The following WWOX variants were observed in gnomAD, a reference collection of about 807,000 sequenced individuals.
The protein encoded by WWOX is WW domain containing oxidoreductase.
Under a neutral mutation model 46.2 loss-of-function variants are expected in WWOX, and 69 were observed. That is an observed-to-expected ratio of 1.49 (90% CI 1.23 to 1.82). The LOEUF (loss-of-function observed/expected upper bound fraction) is 1.82, where lower values mean the gene tolerates loss of function less well. WWOX is among the 40% of genes most tolerant of loss of function. The probability of loss-of-function intolerance (pLI) is 0.00; values close to 1 mark genes in which losing one functional copy is unlikely to be tolerated. For missense variants in WWOX, 919 were observed against 542.6 expected, an observed-to-expected ratio of 1.69 and a Z score of -6.89; for synonymous variants, 359 against 202.6, an observed-to-expected ratio of 1.77 and a Z score of -6.56.
At chr16:78,207,122 C>G (rs1038422928) in intron 5 of WWOX, among the ~76,000 whole-genome samples, 2 of 152,132 alleles carry the variant, frequency 1.3e-5, no homozygotes, top group Non-Finnish European at 2.9e-5. Flanking sequence ...ACCTATTGCT[C>G]ATTTTTACCA....
chr16:78,751,717 C>T lies in WWOX; in HGVS notation c.1056+318965C>T, dbSNP rs9923523. On this transcript the variant is annotated intron_variant, in intron 8 of 8. Coordinates refer to ENST00000566780, the MANE Select transcript of WWOX (RefSeq NM_016373.4). Reference sequence around the variant, plus strand: ...ACGTAGGTTCAGTTCCTTACCAACACGTAGACATGTTGTGATGAAAGAAGG... The same window carrying T: ...ACGTAGGTTCAGTTCCTTACCAACATGTAGACATGTTGTGATGAAAGAAGG... 4.8e-3 allele frequency among the ~76,000 whole-genome samples: 692 copies of T among 145,556 alleles called. 6 individuals are homozygous for T. The highest frequency in any genetic ancestry group is 0.017 in the African/African-American group (658 of 39,178).
chr16:78,199,501 G>A (rs7192037), intron 5 of WWOX, among the ~76,000 whole-genome samples: 25,738 of 152,026 alleles, frequency 0.17, 2,237 homozygotes, highest in Non-Finnish European at 0.19. Flanking sequence ...CTGCGGATCC[G>A]GCATCATGAC....
At chr16:78,737,465 G>T (rs368003005) in intron 8 of WWOX, among the ~76,000 whole-genome samples, 2 of 151,982 alleles carry the variant, frequency 1.3e-5, no homozygotes, top group African/African-American at 4.8e-5. Context: ...AGTTTGGGGG[G>T]AACAGGTGGT....
At chr16:79,068,577 G>A (rs1010498537) in intron 8 of WWOX, among the ~76,000 whole-genome samples, 2 of 151,972 alleles carry the variant, frequency 1.3e-5, no homozygotes, top group African/African-American at 4.8e-5. Context: ...GCTGAAGCAG[G>A]AGGATCACTT....
rs1479091786 is a variant in WWOX at position 78,854,959 on chromosome 16, C to G, written c.1057-356649C>G. On this transcript the variant is annotated intron_variant, in intron 8 of 8. Transcript: ENST00000566780. ...TAAAATGGGTTATGTGTTTTATTTT[C>G]TTAGTGAAGTAATGGCTTCTCAAAT... Among the ~76,000 whole-genome samples the G allele has an allele frequency of 5.3e-5, 6 of 113,924 alleles. No homozygotes were observed. The South Asian group carries it at 1.6e-3, about 30-fold the overall frequency. 74.7% of individuals were successfully genotyped at this position (113,924 alleles called of 152,430 possible).
intron 8 of WWOX, among the ~76,000 whole-genome samples, chr16:78,784,071 C>G (rs748884801): frequency 6.6e-6 from 1 of 152,104 alleles, no homozygotes; most frequent in East Asian, 1.9e-4. Context: ...ATACCATGTA[C>G]TGAGCACTTA....
chr16:79,101,864 C>T (rs921798177), intron 8 of WWOX: 1 of 150,920 alleles, frequency 6.6e-6, no homozygotes, highest in African/African-American at 2.4e-5. Flanking sequence ...TCAAGAAGTA[C>T]AGCGTTTTGG....
At chr16:78,112,292 T>G (rs913355823) in intron 3 of WWOX, among the ~76,000 whole-genome samples, 8 of 152,234 alleles carry the variant, frequency 5.3e-5, no homozygotes, top group Admixed American at 5.2e-4. Context: ...TGCTTGTCTT[T>G]GAGGCTCTCC....
At chr16:78,375,764 C>G (rs180919657) in intron 5 of WWOX, among the ~76,000 whole-genome samples, 7 of 151,974 alleles carry the variant, frequency 4.6e-5, no homozygotes, top group African/African-American at 1.4e-4. Flanking sequence ...TGCAGCATTG[C>G]TTTCAGTGGC....
intron 8 of WWOX, among the ~76,000 whole-genome samples, chr16:78,978,051 T>TC (rs1162545829): frequency 6.6e-6 from 1 of 152,228 alleles, no homozygotes. Flanking sequence ...CCATTCCTCT[T>TC]CCCTACCATT....
chr16:78,694,750 G>A (rs2048064078), intron 8 of WWOX, among the ~76,000 whole-genome samples: 1 of 152,004 alleles, frequency 6.6e-6, no homozygotes, highest in African/African-American at 2.4e-5. Flanking sequence ...ACGCTTTATT[G>A]GAATATCAAC....
At chr16:78,902,639 C>T (rs1221690534) in intron 8 of WWOX, among the ~76,000 whole-genome samples, 5 of 152,232 alleles carry the variant, frequency 3.3e-5, no homozygotes, top group Non-Finnish European at 7.3e-5. Context: ...ACGCTTTTAC[C>T]ATGGGTAAAC....
chr16:78,184,552 A>G lies in WWOX; in HGVS notation c.516+20263A>G, dbSNP rs1418190953. On this transcript the variant is annotated intron_variant, in intron 5 of 8. Transcript: ENST00000566780. ...GCACCCACATGGATGAATCACCGAG[A>G]TCTATTTTTTCCCCGTTTATACTAT... is the stretch of plus-strand genomic sequence containing the variant. 2.7e-5 allele frequency among the ~76,000 whole-genome samples: 4 copies of G among 150,104 alleles called. No individual in the cohort carries two copies. In the Admixed American group the frequency reaches 2.7e-4, roughly 10 times the overall value.
chr16:78,816,926 C>A (rs1787001908), intron 8 of WWOX, among the ~76,000 whole-genome samples: 1 of 152,088 alleles, frequency 6.6e-6, no homozygotes, highest in Non-Finnish European at 1.5e-5. Flanking sequence ...TTGCAAGTCC[C>A]AGAGTAAGTT....
intron 8 of WWOX, among the ~76,000 whole-genome samples, chr16:78,992,885 T>G (rs1017115595): frequency 6.6e-6 from 1 of 152,100 alleles, no homozygotes; most frequent in African/African-American, 2.4e-5. Context: ...ACCCGCAAAT[T>G]TCCAATTTTT....
chr16:78,679,604 C>T (rs886903788), intron 8 of WWOX, among the ~76,000 whole-genome samples: 3 of 152,116 alleles, frequency 2.0e-5, no homozygotes, highest in Non-Finnish European at 4.4e-5. Context: ...AGGCTTTTCT[C>T]CCCACCTCTT....
At chr16:78,593,927 A>G (rs2045413455) in intron 8 of WWOX, among the ~76,000 whole-genome samples, 1 of 152,172 alleles carries the variant, frequency 6.6e-6, no homozygotes, top group African/African-American at 2.4e-5. Flanking sequence ...TTGGAGTTGG[A>G]GGAGGATGAC....
intron 5 of WWOX, among the ~76,000 whole-genome samples, chr16:78,366,247 C>T (rs947268094): frequency 1.3e-5 from 2 of 152,124 alleles, no homozygotes; most frequent in Admixed American, 6.5e-5. Flanking sequence ...CTGTTATGTA[C>T]GAAGTGAAAT....
rs113464111 is a variant in WWOX, at chr16:78,432,266, T to G, written c.792-222T>G. Reference sequence around the variant, plus strand: ...CCGTGTACAGGCATGCCACCACACCTGGCTAATTTTTGTATTTTTAGTAGA... The same window carrying G: ...CCGTGTACAGGCATGCCACCACACCGGGCTAATTTTTGTATTTTTAGTAGA... On this transcript the variant is annotated intron_variant, in intron 7 of 8. Transcript: ENST00000566780. Among the ~76,000 whole-genome samples the G allele has an allele frequency of 3.7e-3, 558 of 152,156 alleles. 2 individuals carry two copies. The highest frequency in any genetic ancestry group is 0.013 in the African/African-American group (539 of 41,538).
Sources: gnomAD v4.1 joint callset for allele counts (sites outside exome capture counted in the v4.1 genomes callset) on GRCh38, gnomAD v4.1.1 for gene constraint, MANE v1.5 for transcripts, NCBI Gene and HGNC (gene_info 2026-07-23, HGNC 2026-07-21) for gene names.